Variants in PPID observed in about 807,000 individuals in gnomAD.
PPID encodes the protein peptidylprolyl isomerase D.
Under a neutral mutation model 48.1 loss-of-function variants are expected in PPID, and 47 were observed. The ratio of observed to expected loss-of-function variants is 0.98; its 90% CI spans 0.77 to 1.25. PPID has a LOEUF of 1.25. PPID is among the 50% of genes most tolerant of loss of function. The probability of loss-of-function intolerance (pLI) is 0.00; values close to 1 mark genes in which losing one functional copy is unlikely to be tolerated. For missense variants in PPID, 429 were observed against 443.5 expected, an observed-to-expected ratio of 0.97 and a Z score of 0.29; for synonymous variants, 163 against 148.8, an observed-to-expected ratio of 1.10 and a Z score of -0.69.
chr4:158,717,170 T>G lies in PPID; in HGVS notation c.364A>C (p.Asn122His). 6.2e-7 allele frequency: 1 copy of G among 1,614,076 alleles called. No homozygotes were observed. Residue 122 changes from asparagine (N) to histidine (H), a missense_variant, in exon 4 of 10, where the codon AAT becomes CAT. Transcript: ENST00000307720. Reference sequence around the variant, plus strand: ...GAACCGTTTGTGTTGCGGCCTGCATTTGCCATGCTCAGTAAACCCTCCCGA... The same window carrying G: ...GAACCGTTTGTGTTGCGGCCTGCATGTGCCATGCTCAGTAAACCCTCCCGA... ...HDREGLLSMA[N>H]AGRNTNGSQF...
Position 158,723,161 on chromosome 4 carries a change from CCGCCTCCTCGGGGCTTTTCCGCGAG to C in PPID, c.85+18_85+42del. ...GGAATCCCCCAAATCCCGGGAACCC[CCGCCTCCTCGGGGCTTTTCCGCGAG>C]CGTCAGACTCCGCTCACCTCGCTCC... On this transcript the variant is annotated intron_variant, in intron 1 of 9. Transcript: ENST00000307720. 1 of 1,570,342 alleles carries C rather than the reference CCGCCTCCTCGGGGCTTTTCCGCGAG, an allele frequency of 6.4e-7. No individual in the cohort carries two copies. Among genetic ancestry groups the C allele is most frequent in the Non-Finnish European group, 8.7e-7 (1 of 1,147,032 alleles).
intron 4 of PPID, 89 bp downstream of exon 4, chr4:158,716,923 T>G: frequency 7.4e-7 from 1 of 1,352,098 alleles, no homozygotes; most frequent in East Asian, 2.3e-5. Context: ...ACCGCACCAC[T>G]GCACTCCAGC....
chr4:158,712,359 AT>A (rs995718699), intron 7 of PPID, among the ~76,000 whole-genome samples: 1 of 152,326 alleles, frequency 6.6e-6, no homozygotes, highest in African/African-American at 2.4e-5. Flanking sequence ...TGAATCACTT[AT>A]TAAGCTTCTT....
Position 158,710,748 on chromosome 4 carries a change from G to A in PPID, c.981+14C>T. On this transcript the variant is annotated intron_variant, in intron 8 of 9. Coordinates refer to ENST00000307720, the MANE Select transcript of PPID (RefSeq NM_005038.3). ...GTCTATTTTAAAAAATTAAACATTT[G>A]GAACAAAATTTACCAATGCTTGATC... 2 of 1,611,952 alleles carry A rather than the reference G, an allele frequency of 1.2e-6. No homozygotes were observed. The highest frequency in any genetic ancestry group is 1.7e-6 in the Non-Finnish European group (2 of 1,178,470).
intron 3 of PPID, among the ~76,000 whole-genome samples, chr4:158,717,407 C>G (rs982314743): frequency 3.3e-5 from 5 of 152,038 alleles, no homozygotes; most frequent in Non-Finnish European, 7.3e-5. Flanking sequence ...ATTCACAAAA[C>G]ATGGGGCACT....
In PPID at chr4:158,713,110, CAG is replaced by C. The variant is rs17843944; in HGVS notation, c.894+7_894+8del. 307 of 1,613,726 alleles carry C rather than the reference CAG, an allele frequency of 1.9e-4. No homozygotes were observed. In the African/African-American group the frequency reaches 3.7e-3, roughly 19 times the overall value. ...CTTATTCAAAAAGTTCAAAATCAAA[CAG>C]ACTTACCTCTAAACAACTGTCAATT... On this transcript the variant is annotated splice_region_variant and intron_variant, in intron 7 of 9. Coordinates refer to ENST00000307720, the MANE Select transcript of PPID (RefSeq NM_005038.3).
intron 1 of PPID, 68 bp downstream of exon 1, chr4:158,723,136 G>T: frequency 6.8e-7 from 1 of 1,468,330 alleles, no homozygotes; most frequent in Non-Finnish European, 9.4e-7. Context: ...TTCCGCCCTT[G>T]GAATCCCCCA....
chr4:158,723,201 C>A lies in PPID; in HGVS notation c.85+3G>T, dbSNP rs1331027031. ...TTTTCCGCGAGCGTCAGACTCCGCTCACCTCGCTCCCCTCCGATGTCCACG... is the reference window on the plus strand; with the variant it reads ...TTTTCCGCGAGCGTCAGACTCCGCTAACCTCGCTCCCCTCCGATGTCCACG... On this transcript the variant is annotated splice_donor_region_variant and intron_variant, in intron 1 of 9. Transcript: ENST00000307720. 6.2e-7 allele frequency: 1 copy of A among 1,612,960 alleles called. No homozygotes were observed. The highest frequency in any genetic ancestry group is 1.1e-5 in the South Asian group (1 of 90,934).
chr4:158,717,355 T>C (rs1774889860), intron 3 of PPID, among the ~76,000 whole-genome samples, 155 bp from the exon 4 acceptor site: 1 of 152,214 alleles, frequency 6.6e-6, no homozygotes, highest in South Asian at 2.1e-4. Context: ...ACTTATAAAA[T>C]TTTTTAATTA....
chr4:158,711,847 G>C (rs765457059), intron 7 of PPID, among the ~76,000 whole-genome samples: 7 of 152,056 alleles, frequency 4.6e-5, no homozygotes, highest in Non-Finnish European at 1.0e-4. Context: ...AGGGCCTGTA[G>C]TCCCAGCTAC....
chr4:158,712,942 T>C (rs1235414663), intron 7 of PPID, among the ~76,000 whole-genome samples, 177 bp downstream of exon 7: 1 of 152,204 alleles, frequency 6.6e-6, no homozygotes, highest in Non-Finnish European at 1.5e-5. Flanking sequence ...CACAGAGTTA[T>C]AAGCAAAATG....
At chr4:158,719,532 T>C (rs1438513080) in intron 2 of PPID, among the ~76,000 whole-genome samples, 1 of 152,188 alleles carries the variant, frequency 6.6e-6, no homozygotes, top group Non-Finnish European at 1.5e-5. Context: ...ATACCTCCCC[T>C]ATAAAACTGT....
At position 158,713,240 on chromosome 4, in the gene PPID, G is replaced by T. The variant is rs760754001; in HGVS notation, c.773C>A (p.Ala258Asp). ...GGCTCTATCTGCTGTCTCAATAACA[G>T]CCTTTGAACTGTCCACGTATCTGCA... ...EVLRYVDSSK[A>D]VIETADRAKL... Residue 258 changes from alanine to aspartate, a missense_variant, in exon 7 of 10, where the codon GCT becomes GAT. Ala to Asp is a moderately radical substitution (Grantham distance 126, BLOSUM62 -2). Coordinates refer to ENST00000307720, the MANE Select transcript of PPID (RefSeq NM_005038.3). The T allele has an allele frequency of 1.2e-6, 2 of 1,613,250 alleles. No individual in the cohort carries two copies. Among genetic ancestry groups the T allele is most frequent in the African/African-American group, 2.7e-5 (2 of 74,898 alleles).
At chr4:158,713,014 T>A in intron 7 of PPID, 105 bp downstream of exon 7, 1 of 1,193,902 alleles carries the variant, frequency 8.4e-7, no homozygotes, top group South Asian at 1.4e-5. Context: ...TTAAGCCTCA[T>A]TAGGTCCTAT....
chr4:158,712,957 T>C (rs1001686275), intron 7 of PPID, among the ~76,000 whole-genome samples, 162 bp downstream of exon 7: 9 of 152,334 alleles, frequency 5.9e-5, no homozygotes, highest in East Asian at 3.9e-4. Flanking sequence ...AAAATGAATG[T>C]AGAGAAAGAA....
At chr4:158,714,401 G>T (rs1774835774) in intron 6 of PPID, among the ~76,000 whole-genome samples, 1 of 152,010 alleles carries the variant, frequency 6.6e-6, no homozygotes. Flanking sequence ...TAATCTTAAG[G>T]AAACAAACAC....
At chr4:158,720,418 T>A (rs1774938230) in intron 2 of PPID, among the ~76,000 whole-genome samples, 1 of 152,240 alleles carries the variant, frequency 6.6e-6, no homozygotes, top group Non-Finnish European at 1.5e-5. Flanking sequence ...CTTGTGATTA[T>A]TGCTTATTTG....
At position 158,715,313 on chromosome 4, in the gene PPID, A is replaced by G. The variant is rs1561255595; in HGVS notation, c.736T>C (p.Tyr246His). 1.3e-6 allele frequency: 2 copies of G among 1,517,224 alleles called. No individual in the cohort carries two copies. The highest frequency in any genetic ancestry group is 1.3e-5 in the South Asian group (1 of 74,316). The allele number at this position is 1,517,224 out of a possible 1,614,324, so 94.0% of individuals were successfully genotyped here. Residue 246 changes from tyrosine (Y) to histidine (H), a missense_variant, in exon 6 of 10, where the codon TAT becomes CAT. Tyr to His is a moderately conservative substitution (Grantham distance 83). Transcript: ENST00000307720. ...TAATATTACCTTAAAACTTCTGCAT[A>G]TTTTTTAATAGCCATCTCCCAGTTC... ...SQNWEMAIKK[Y>H]AEVLRYVDSS...
At chr4:158,719,868 T>C (rs1774929107) in intron 2 of PPID, among the ~76,000 whole-genome samples, 1 of 152,204 alleles carries the variant, frequency 6.6e-6, no homozygotes, top group African/African-American at 2.4e-5. Context: ...CAAATCAGTA[T>C]GTGGTTGGAT....
Sources: gnomAD v4.1 joint callset for allele counts (sites outside exome capture counted in the v4.1 genomes callset) on GRCh38, gnomAD v4.1.1 for gene constraint, MANE v1.5 for transcripts, NCBI Gene and HGNC (gene_info 2026-07-23, HGNC 2026-07-21) for gene names.